The following KAZN variants were observed in gnomAD, a reference collection of about 807,000 sequenced individuals.
The protein encoded by KAZN is kazrin.
A neutral mutation model predicts 87.4 loss-of-function variants in KAZN; 40 were observed. The observed-to-expected ratio is 0.46, with a 90% CI of 0.36 to 0.60. KAZN has a LOEUF of 0.60. Ranked by LOEUF, KAZN falls within the 20% of genes least tolerant of loss-of-function variation. The pLI, the probability that KAZN is intolerant of heterozygous loss-of-function variation, is 0.00. For missense variants in KAZN, 898 were observed against 1,073.9 expected (o/e 0.84, Z 2.29); for synonymous variants, 466 against 458.3 (o/e 1.02, Z -0.22).
chr1:14,836,477 G>A (rs1007888189), intron 1 of KAZN, among the ~76,000 whole-genome samples: 1 of 152,186 alleles, frequency 6.6e-6, no homozygotes, highest in Non-Finnish European at 1.5e-5. Context: ...CACCGCTAAA[G>A]AGTGACAGAG....
intron 1 of KAZN, among the ~76,000 whole-genome samples, chr1:14,102,181 C>G (rs867166380): frequency 6.6e-6 from 1 of 152,114 alleles, no homozygotes; most frequent in African/African-American, 2.4e-5. Flanking sequence ...AATCCAGAGT[C>G]CCGGGGAAGA....
Position 14,188,881 on chromosome 1 carries a change from A to G in KAZN, c.249+8289A>G, listed in dbSNP as rs150240309. Among the ~76,000 whole-genome samples the G allele has an allele frequency of 7.9e-4, 120 of 152,266 alleles. 1 individual carries two copies. Among genetic ancestry groups the G allele is most frequent in the Middle Eastern group, 3.4e-3 (1 of 294 alleles). ...TTATTTAGTATCTTTTTAAGGTTGT[A>G]GCTCCCATCCATTAGTCAGATGATA... On this transcript the variant is annotated intron_variant, in intron 2 of 16. Coordinates refer to the KAZN transcript ENST00000636203.
chr1:14,979,110 G>T (rs1286462879), intron 2 of KAZN, among the ~76,000 whole-genome samples: 1 of 151,920 alleles, frequency 6.6e-6, no homozygotes, highest in Admixed American at 6.6e-5. Flanking sequence ...CACCATGTCG[G>T]CCAGGCTGGT....
intron 2 of KAZN, among the ~76,000 whole-genome samples, chr1:14,525,986 G>T (rs1671841237): frequency 6.6e-6 from 1 of 152,152 alleles, no homozygotes; most frequent in Non-Finnish European, 1.5e-5. Context: ...TAAATTAGGG[G>T]GATGATGCCT....
chr1:14,727,450 C>CTTTTTTTTTTTTTTTTTTTTTTTTTTT (rs57203868), intron 1 of KAZN, among the ~76,000 whole-genome samples: 2 of 73,908 alleles, frequency 2.7e-5, no homozygotes, highest in Non-Finnish European at 2.6e-5. Flanking sequence ...TGTGCACTTT[C>CTTTTTTTTTTTTTTTTTTTTTTTTTTT]TTTTTTTTTT....
chr1:14,646,998 TC>T (rs1680856950), intron 1 of KAZN, among the ~76,000 whole-genome samples: 1 of 152,138 alleles, frequency 6.6e-6, no homozygotes, highest in South Asian at 2.1e-4. Context: ...ATATCCTCTC[TC>T]CACACCCATG....
At chr1:14,451,301 C>A (rs1667262836) in intron 2 of KAZN, among the ~76,000 whole-genome samples, 1 of 152,132 alleles carries the variant, frequency 6.6e-6, no homozygotes, top group Non-Finnish European at 1.5e-5. Flanking sequence ...TGTCATCTAC[C>A]CATGATTCAT....
At chr1:15,101,929 A>G (rs897579441) in intron 11 of KAZN, among the ~76,000 whole-genome samples, 155 bp downstream of exon 11, 15 of 143,854 alleles carry the variant, frequency 1.0e-4, no homozygotes, top group African/African-American at 3.4e-4. Flanking sequence ...TCATCCGTCC[A>G]TCCATCTACC....
At chr1:14,583,099 C>T (rs1003352080) in intron 2 of KAZN, among the ~76,000 whole-genome samples, 1 of 152,232 alleles carries the variant, frequency 6.6e-6, no homozygotes, top group African/African-American at 2.4e-5. Flanking sequence ...ACCTATGCGA[C>T]AGAAACTACA....
rs770649010 is a variant in KAZN, at chr1:14,915,516, A to C, written c.227-45168A>C. Among the ~76,000 whole-genome samples, 158 of 152,170 alleles carry C rather than the reference A, an allele frequency of 1.0e-3. 2 individuals are homozygous for C. The highest frequency in any genetic ancestry group is 2.0e-3 in the Non-Finnish European group (134 of 68,024). ...GAGCCAAGGGTCCCACTTGGGGAAG[A>C]AGAAGTTCCGCTAGTAGCCACCAGG... On this transcript the variant is annotated intron_variant, in intron 1 of 14. Coordinates refer to ENST00000376030, the MANE Select transcript of KAZN (RefSeq NM_201628.3).
chr1:13,930,834 G>A (rs1463698142), intron 1 of KAZN, among the ~76,000 whole-genome samples: 2 of 152,198 alleles, frequency 1.3e-5, no homozygotes, highest in African/African-American at 2.4e-5. Flanking sequence ...TGGTCATCCC[G>A]TAACAGCCAC....
At chr1:14,908,174 G>T (rs1656824302) in intron 1 of KAZN, among the ~76,000 whole-genome samples, 1 of 151,666 alleles carries the variant, frequency 6.6e-6, no homozygotes, top group South Asian at 2.1e-4. Context: ...GAGGCAGGAG[G>T]ATCGCTTGAG....
intron 1 of KAZN, among the ~76,000 whole-genome samples, chr1:13,930,304 C>G (rs1395541767): frequency 6.6e-6 from 1 of 152,194 alleles, no homozygotes; most frequent in Admixed American, 6.5e-5. Context: ...AGCTGCTTCT[C>G]CATGCAGTAG....
intron 2 of KAZN, among the ~76,000 whole-genome samples, chr1:14,980,774 A>G (rs1275190660): frequency 1.3e-5 from 2 of 152,120 alleles, no homozygotes; most frequent in Non-Finnish European, 2.9e-5. Context: ...CGAGGCAGAG[A>G]AGGAAGTGGT....
chr1:14,861,925 C>T (rs1237979314), intron 1 of KAZN, among the ~76,000 whole-genome samples: 5 of 152,194 alleles, frequency 3.3e-5, no homozygotes, highest in Admixed American at 6.5e-5. Flanking sequence ...AAGGGAGAAA[C>T]GGGATTGGTG....
chr1:14,049,468 A>AAAAC (rs757476878), intron 1 of KAZN, among the ~76,000 whole-genome samples: 1 of 152,178 alleles, frequency 6.6e-6, no homozygotes, highest in East Asian at 1.9e-4. Flanking sequence ...AAGTATAATT[A>AAAAC]AAACAAACAA....
intron 1 of KAZN, among the ~76,000 whole-genome samples, chr1:14,690,202 C>T (rs781431003): frequency 7.9e-5 from 12 of 152,184 alleles, no homozygotes; most frequent in African/African-American, 1.4e-4. Context: ...CATGCATCTG[C>T]GGTCCTGCTG....
intron 1 of KAZN, among the ~76,000 whole-genome samples, chr1:14,041,890 G>T (rs924527640): frequency 6.6e-6 from 1 of 152,170 alleles, no homozygotes; most frequent in African/African-American, 2.4e-5. Context: ...TGAAGGTATT[G>T]TTTAATTTTT....
At chr1:14,401,902 A>C (rs1048485322) in intron 2 of KAZN, among the ~76,000 whole-genome samples, 1 of 152,144 alleles carries the variant, frequency 6.6e-6, no homozygotes, top group Admixed American at 6.5e-5. Flanking sequence ...ACGTCATATT[A>C]AGAGTGAAAT....
Sources: gnomAD v4.1 joint callset for allele counts (sites outside exome capture counted in the v4.1 genomes callset) on GRCh38, gnomAD v4.1.1 for gene constraint, MANE v1.5 for transcripts, NCBI Gene and HGNC (gene_info 2026-07-23, HGNC 2026-07-21) for gene names.